NVL: variants seen among roughly 807,000 people sequenced by gnomAD.
NVL encodes nuclear valosin-containing protein-like.
Under a neutral mutation model 110.2 loss-of-function variants are expected in NVL, and 84 were observed. The ratio of observed to expected loss-of-function variants is 0.76; its 90% confidence interval spans 0.64 to 0.91. NVL has a LOEUF of 0.91. Ranked by LOEUF, NVL falls within the 40% of genes least tolerant of loss-of-function variation. The pLI is 0.00. For missense variants in NVL, 882 were observed against 1,035.9 expected (o/e 0.85, Z 2.04); for synonymous variants, 354 against 361.1 (o/e 0.98, Z 0.22).
At chr1:224,274,899 C>G (rs546898611) in intron 17 of NVL, among the ~76,000 whole-genome samples, 1 of 152,174 alleles carries the variant, frequency 6.6e-6, no homozygotes, top group South Asian at 2.1e-4. Context: ...TTATCTTCAT[C>G]ATTTTAATGT....
intron 2 of NVL, among the ~76,000 whole-genome samples, chr1:224,319,055 T>A (rs1379187020): frequency 7.3e-6 from 1 of 137,648 alleles, no homozygotes; most frequent in African/African-American, 2.8e-5. Context: ...CTTGGGAGGC[T>A]GAGGCAGGAG....
chr1:224,250,385 G>C (rs564977329), intron 18 of NVL, 67 bp from the exon 19 acceptor site: 37 of 1,380,036 alleles, frequency 2.7e-5, no homozygotes, highest in Admixed American at 5.9e-5. Context: ...ATTTTTTTGA[G>C]AGAGGGTCTT....
chr1:224,290,289 T>C (rs1667243241), intron 12 of NVL, among the ~76,000 whole-genome samples: 1 of 152,222 alleles, frequency 6.6e-6, no homozygotes, highest in South Asian at 2.1e-4. Flanking sequence ...GACTTCTAGA[T>C]AATTGTTATT....
At chr1:224,245,035 T>C (rs1212204667) in intron 19 of NVL, among the ~76,000 whole-genome samples, 3 of 152,154 alleles carry the variant, frequency 2.0e-5, no homozygotes, top group African/African-American at 7.2e-5. Flanking sequence ...ATGAAGAAGT[T>C]GCTTTGACCT....
At chr1:224,311,566 A>G (rs938407011) in intron 5 of NVL, among the ~76,000 whole-genome samples, 5 of 151,540 alleles carry the variant, frequency 3.3e-5, no homozygotes, top group Admixed American at 2.6e-4. Context: ...ACAAGGTTTC[A>G]CCATGTTGGC....
intron 18 of NVL, among the ~76,000 whole-genome samples, chr1:224,257,884 C>A (rs1663474083): frequency 6.6e-6 from 1 of 152,048 alleles, no homozygotes; most frequent in African/African-American, 2.4e-5. Flanking sequence ...TGCACACTTT[C>A]CTCACAACAC....
At chr1:224,242,874 G>A (rs2102731801) in intron 19 of NVL, among the ~76,000 whole-genome samples, 1 of 141,236 alleles carries the variant, frequency 7.1e-6, no homozygotes, top group East Asian at 2.1e-4. Context: ...TGCCCAGGCT[G>A]GAGTGCAACG....
At chr1:224,283,259 G>A (rs1049114206) in intron 15 of NVL, among the ~76,000 whole-genome samples, 2 of 152,120 alleles carry the variant, frequency 1.3e-5, no homozygotes, top group African/African-American at 2.4e-5. Context: ...AGGCTGACAC[G>A]GGTGGATCAC....
chr1:224,305,272 C>T lies in NVL; in HGVS notation c.616-106G>A, dbSNP rs546385983. 16 of 1,116,110 alleles carry T rather than the reference C, an allele frequency of 1.4e-5. No homozygotes were observed. The Admixed American group carries it at 2.7e-4, about 19-fold the overall frequency. The allele number at this position is 1,116,110 out of a possible 1,614,324, so 69.1% of individuals were successfully genotyped here. On this transcript the variant is annotated intron_variant, in intron 6 of 22. Transcript: ENST00000281701. ...TAAAGAAAATTCATTCCTGCCCTAG[C>T]ACTTTCACCTCTGTTAACTATTCCC...
At chr1:224,251,779 C>A (rs1237005316) in intron 18 of NVL, among the ~76,000 whole-genome samples, 1 of 152,146 alleles carries the variant, frequency 6.6e-6, no homozygotes, top group Non-Finnish European at 1.5e-5. Context: ...ACCCTACCTC[C>A]CAAATACCAG....
chr1:224,307,028 G>T (rs1668991809), intron 6 of NVL, among the ~76,000 whole-genome samples: 1 of 152,088 alleles, frequency 6.6e-6, no homozygotes, highest in Non-Finnish European at 1.5e-5. Flanking sequence ...TGTCCATGAG[G>T]AATATGTGAG....
chr1:224,275,520 G>C (rs1665680089), intron 16 of NVL, 62 bp from the exon 17 acceptor site: 1 of 1,599,886 alleles, frequency 6.3e-7, no homozygotes, highest in African/African-American at 1.3e-5. Context: ...TGGGTCAAAT[G>C]ATACTAAACA....
chr1:224,233,426 TG>T (rs1660127295), intron 20 of NVL, 137 bp from the exon 21 acceptor site: 1 of 580,450 alleles, frequency 1.7e-6, no homozygotes, highest in Non-Finnish European at 2.8e-6. Flanking sequence ...AGAAATAAAT[TG>T]ATTATCAATC....
Position 224,269,198 on chromosome 1 carries a change from C to T in NVL, c.2083-1065G>A, listed in dbSNP as rs139246573. On this transcript the variant is annotated intron_variant, in intron 17 of 22. Coordinates refer to ENST00000281701, the MANE Select transcript of NVL (RefSeq NM_002533.4). The stretch of plus-strand genomic sequence containing the variant: ...CCCCTCCTGGGCTCAAGCAGTCCTC[C>T]GACCTCAGCCTCCCAAGTAGCTGGG... 4.8e-4 allele frequency among the ~76,000 whole-genome samples: 73 copies of T among 151,606 alleles called. 2 individuals carry two copies. The highest frequency in any genetic ancestry group is 2.3e-3 in the South Asian group (11 of 4,794).
chr1:224,243,903 G>A (rs763198135), intron 19 of NVL, among the ~76,000 whole-genome samples: 18 of 151,524 alleles, frequency 1.2e-4, no homozygotes, highest in African/African-American at 1.9e-4. Context: ...CTTGTGATTC[G>A]CCTGTCTCAG....
chr1:224,296,728 C>A, intron 10 of NVL, 110 bp from the exon 11 acceptor site: 1 of 671,556 alleles, frequency 1.5e-6, no homozygotes, highest in Non-Finnish European at 2.5e-6. Flanking sequence ...GATCATTTGC[C>A]AAAAGAATAA....
At chr1:224,284,839 G>T (rs1037836586) in intron 15 of NVL, among the ~76,000 whole-genome samples, 5 of 152,152 alleles carry the variant, frequency 3.3e-5, no homozygotes, top group Non-Finnish European at 7.3e-5. Flanking sequence ...GTAAAAACTG[G>T]TGAAAACCTT....
intron 10 of NVL, among the ~76,000 whole-genome samples, chr1:224,299,610 T>C (rs1000407139): frequency 2.6e-5 from 4 of 152,222 alleles, no homozygotes; most frequent in Non-Finnish European, 5.9e-5. Flanking sequence ...GTGTTTACCA[T>C]ACGCACAAAA....
chr1:224,297,073 T>C (rs568529898), intron 10 of NVL, among the ~76,000 whole-genome samples: 1 of 152,348 alleles, frequency 6.6e-6, no homozygotes, highest in African/African-American at 2.4e-5. Context: ...TCTTTCCCTA[T>C]AATTTGCTAT....
Sources: gnomAD v4.1 joint callset for allele counts (sites outside exome capture counted in the v4.1 genomes callset) on GRCh38, gnomAD v4.1.1 for gene constraint, MANE v1.5 for transcripts, NCBI Gene and HGNC (gene_info 2026-07-23, HGNC 2026-07-21) for gene names.